Variants in RARB observed in about 807,000 individuals in gnomAD.
RARB encodes retinoic acid receptor beta, also known as HBV-activated protein.
RARB carries 17 observed loss-of-function variants against 51.9 expected under a neutral mutation model. That is an observed-to-expected ratio of 0.33 (90% CI 0.22 to 0.49). RARB has a LOEUF of 0.49. RARB is among the 20% of genes least tolerant of loss of function. The pLI, the probability that RARB is intolerant of heterozygous loss-of-function variation, is 0.99. For missense variants in RARB, 369 were observed against 550.8 expected, an observed-to-expected ratio of 0.67 and a Z score of 3.30; for synonymous variants, 215 against 195.4, an observed-to-expected ratio of 1.10 and a Z score of -0.84.
chr3:25,210,529 C>CTTTTTTTTTTTTTTTTTTTTTTTTT lies in RARB; in HGVS notation c.178+35978_178+35979insTTTTTTTTTTTTTTTTTTTTTTTTT, dbSNP rs773846113. ...GAAAGCCTGAAATCTTTATCTGATT[C>CTTTTTTTTTTTTTTTTTTTTTTTTT]TTTTTTTTTTTTTTTTTTTTTTTTG... On this transcript the variant is annotated intron_variant, in intron 5 of 11. Transcript: ENST00000383772. Among the ~76,000 whole-genome samples the CTTTTTTTTTTTTTTTTTTTTTTTTT allele has an allele frequency of 2.9e-4, 8 of 27,632 alleles. 1 individual carries two copies. The highest frequency in any genetic ancestry group is 4.3e-4 in the Non-Finnish European group (5 of 11,522). 18.1% of individuals were successfully genotyped at this position (27,632 alleles called of 152,430 possible). A position where few individuals can be genotyped will look rare whatever the true frequency, so the allele number is the denominator to read the frequency against.
intron 2 of RARB, among the ~76,000 whole-genome samples, chr3:25,031,579 C>G (rs147870121): frequency 1.3e-5 from 2 of 152,252 alleles, no homozygotes; most frequent in African/African-American, 4.8e-5. Context: ...TAAGTAGATT[C>G]ATTTATGCCC....
At chr3:24,874,320 A>G (rs1346551923) in intron 2 of RARB, among the ~76,000 whole-genome samples, 1 of 152,082 alleles carries the variant, frequency 6.6e-6, no homozygotes, top group Non-Finnish European at 1.5e-5. Context: ...TGTGCTAAGA[A>G]TGTTGATTAA....
chr3:25,211,684 A>G (rs1212184501), intron 5 of RARB, among the ~76,000 whole-genome samples: 1 of 152,000 alleles, frequency 6.6e-6, no homozygotes, highest in Non-Finnish European at 1.5e-5. Context: ...CAACAGTGAA[A>G]TTTTTTGGCT....
At chr3:24,888,643 T>G (rs1300447757) in intron 2 of RARB, among the ~76,000 whole-genome samples, 1 of 152,182 alleles carries the variant, frequency 6.6e-6, no homozygotes, top group Non-Finnish European at 1.5e-5. Context: ...TTTTTGGGAA[T>G]TGTGATGTCC....
intron 5 of RARB, among the ~76,000 whole-genome samples, chr3:25,390,968 G>A (rs1706936703): frequency 1.3e-5 from 2 of 151,988 alleles, no homozygotes; most frequent in South Asian, 4.1e-4. Context: ...GTTCTTAGTG[G>A]TGATTTCCGA....
chr3:25,377,013 TTTAG>T lies in RARB; in HGVS notation c.179-84177_179-84174del, dbSNP rs761476974. Reference sequence around the variant, plus strand: ...TGTTTTTCTTCTTTCAATGTATTAGTTTAGTTTGTTTGTTTGTTTGTTTGTTTTT... The same window carrying T: ...TGTTTTTCTTCTTTCAATGTATTAGTTTTGTTTGTTTGTTTGTTTGTTTTT... On this transcript the variant is annotated intron_variant, in intron 5 of 11. Transcript: ENST00000383772. Among the ~76,000 whole-genome samples, 964 of 137,974 alleles carry T rather than the reference TTTAG, an allele frequency of 7.0e-3. 4 individuals are homozygous for T. The highest frequency in any genetic ancestry group is 0.011 in the Non-Finnish European group (636 of 60,218). The allele number at this position is 137,974 out of a possible 152,430, so 90.5% of individuals were successfully genotyped here.
intron 2 of RARB, among the ~76,000 whole-genome samples, chr3:24,899,695 A>G (rs561603501): frequency 6.6e-6 from 1 of 152,338 alleles, no homozygotes; most frequent in East Asian, 1.9e-4. Flanking sequence ...TGAGCCTTCA[A>G]TGAAAGTGAA....
intron 5 of RARB, among the ~76,000 whole-genome samples, chr3:25,329,261 G>A (rs1559359357): frequency 6.6e-6 from 1 of 152,142 alleles, no homozygotes; most frequent in Non-Finnish European, 1.5e-5. Flanking sequence ...AGCCTAACGG[G>A]GAGGCACCAC....
intron 1 of RARB, among the ~76,000 whole-genome samples, chr3:24,838,817 C>T (rs1702379506): frequency 6.6e-6 from 1 of 151,936 alleles, no homozygotes; most frequent in Non-Finnish European, 1.5e-5. Flanking sequence ...TAACTTAGCT[C>T]CAGGCACTTG....
At chr3:25,291,845 A>C (rs1447949504) in intron 5 of RARB, among the ~76,000 whole-genome samples, 1 of 152,076 alleles carries the variant, frequency 6.6e-6, no homozygotes, top group Non-Finnish European at 1.5e-5. Context: ...TCTCAGAACA[A>C]TGTTTACATT....
intron 2 of RARB, among the ~76,000 whole-genome samples, chr3:25,050,010 G>A (rs565258718): frequency 6.6e-6 from 1 of 152,180 alleles, no homozygotes; most frequent in South Asian, 2.1e-4. Flanking sequence ...AATTTTGGGA[G>A]GAAAAGTTTA....
chr3:24,914,821 A>G (rs1056931311), intron 2 of RARB, among the ~76,000 whole-genome samples: 3 of 152,198 alleles, frequency 2.0e-5, no homozygotes, highest in African/African-American at 2.4e-5. Flanking sequence ...CCACCGTACA[A>G]TGCCCGAAAT....
intron 5 of RARB, among the ~76,000 whole-genome samples, chr3:25,256,592 C>G (rs1048718051): frequency 6.6e-5 from 10 of 152,118 alleles, no homozygotes; most frequent in African/African-American, 2.4e-4. Context: ...AACGTATAAC[C>G]ATGAGTTCAG....
chr3:24,913,327 C>T (rs187896722), intron 2 of RARB, among the ~76,000 whole-genome samples: 7 of 151,288 alleles, frequency 4.6e-5, no homozygotes, highest in Admixed American at 6.6e-5. Context: ...ACTGAGATTT[C>T]CTTCAATTTA....
chr3:24,968,531 T>A (rs115778059), intron 2 of RARB, among the ~76,000 whole-genome samples: 1,721 of 152,250 alleles, frequency 0.011, 42 homozygotes, highest in African/African-American at 0.039. Context: ...TGATTTTAGC[T>A]GGACTACCTC....
At chr3:25,379,425 T>G (rs1460964005) in intron 5 of RARB, among the ~76,000 whole-genome samples, 1 of 152,212 alleles carries the variant, frequency 6.6e-6, no homozygotes, top group East Asian at 1.9e-4. Flanking sequence ...CATGGGTATG[T>G]CAGATTATGT....
intron 3 of RARB, among the ~76,000 whole-genome samples, chr3:25,128,799 G>C (rs895097463): frequency 1.3e-5 from 2 of 151,626 alleles, no homozygotes; most frequent in Non-Finnish European, 2.9e-5. Context: ...AAAGAATGAT[G>C]AACTCGAGGA....
intron 4 of RARB, among the ~76,000 whole-genome samples, chr3:25,136,593 G>C (rs1700034851): frequency 6.6e-6 from 1 of 152,028 alleles, no homozygotes; most frequent in Non-Finnish European, 1.5e-5. Flanking sequence ...GACAATGGTT[G>C]AAATGGCCAT....
intron 2 of RARB, among the ~76,000 whole-genome samples, chr3:24,931,370 C>T (rs187302754): frequency 2.3e-3 from 347 of 152,140 alleles, no homozygotes; most frequent in Non-Finnish European, 3.8e-3. Flanking sequence ...TTATTTGGCC[C>T]TATTTCCTAC....
Sources: allele counts gnomAD v4.1 joint callset (sites outside exome capture counted in the v4.1 genomes callset), GRCh38; gene constraint gnomAD v4.1.1; transcripts MANE v1.5; gene names NCBI Gene and HGNC (gene_info 2026-07-23, HGNC 2026-07-21).